ANKRD50: variants seen among roughly 807,000 people sequenced by gnomAD.
ANKRD50 encodes the protein ankyrin repeat domain 50.
ANKRD50 carries 40 observed loss-of-function variants against 112.0 expected under a neutral mutation model. The ratio of observed to expected loss-of-function variants is 0.36; its 90% CI spans 0.28 to 0.46. The LOEUF (loss-of-function observed/expected upper bound fraction) is 0.46, where lower values mean the gene tolerates loss of function less well. ANKRD50 is among the 20% of genes least tolerant of loss of function. The pLI, the probability that ANKRD50 is intolerant of heterozygous loss-of-function variation, is 1.00. For synonymous variants in ANKRD50, 613 were observed against 619.1 expected (o/e 0.99, Z 0.15); for missense variants, 1,487 against 1,701.7 (o/e 0.87, Z 2.22).
chr4:124,681,976 G>T (rs1204055117), intron 2 of ANKRD50, among the ~76,000 whole-genome samples: 2 of 152,098 alleles, frequency 1.3e-5, no homozygotes, highest in Non-Finnish European at 2.9e-5. Flanking sequence ...AACATGTTTT[G>T]TGTAACTTCC....
intron 3 of ANKRD50, among the ~76,000 whole-genome samples, chr4:124,677,961 A>G (rs775223290): frequency 6.6e-6 from 1 of 152,114 alleles, no homozygotes; most frequent in Non-Finnish European, 1.5e-5. Flanking sequence ...ATTTTTATCA[A>G]TAACAACAAG....
rs1014943550 is a variant in ANKRD50, at chr4:124,701,107, G to A, written c.512+8893C>T. On this transcript the variant is annotated intron_variant, in intron 2 of 4. Transcript: ENST00000504087. Reference sequence around the variant, plus strand: ...GCCTCCCGAGTAGGTAGGATTACAGGCATGTACCACCATGCTCGACTAATT... The same window carrying A: ...GCCTCCCGAGTAGGTAGGATTACAGACATGTACCACCATGCTCGACTAATT... Among the ~76,000 whole-genome samples the A allele has an allele frequency of 5.3e-5, 8 of 152,222 alleles. No homozygotes were observed. In the East Asian group the frequency reaches 1.2e-3, roughly 22 times the overall value.
intron 2 of ANKRD50, among the ~76,000 whole-genome samples, chr4:124,686,740 G>A (rs1407815904): frequency 1.3e-5 from 2 of 152,170 alleles, no homozygotes; most frequent in Admixed American, 1.3e-4. Flanking sequence ...TTGTAGAAGA[G>A]AAGAATTTGA....
At chr4:124,693,795 C>G (rs529568800) in intron 2 of ANKRD50, among the ~76,000 whole-genome samples, 1 of 152,068 alleles carries the variant, frequency 6.6e-6, no homozygotes, top group Non-Finnish European at 1.5e-5. Context: ...TCTAAATGTA[C>G]GTTTTGATGA....
intron 1 of ANKRD50, among the ~76,000 whole-genome samples, chr4:124,712,152 C>A (rs571755938): frequency 1.3e-5 from 2 of 152,018 alleles, no homozygotes; most frequent in African/African-American, 4.8e-5. Context: ...AGGCTGGGAG[C>A]GCCTCTGCAC....
At chr4:124,682,933 C>T (rs1724926228) in intron 2 of ANKRD50, among the ~76,000 whole-genome samples, 1 of 151,824 alleles carries the variant, frequency 6.6e-6, no homozygotes, top group African/African-American at 2.4e-5. Flanking sequence ...AATTTTGTAA[C>T]GTACATGTAT....
rs955695081 is a variant in ANKRD50, at chr4:124,664,181, T to C, written c.*3337A>G. 2 of 151,940 alleles carry C rather than the reference T, an allele frequency of 1.3e-5. No individual in the cohort carries two copies. The highest frequency in any genetic ancestry group is 2.9e-5 in the Non-Finnish European group (2 of 67,950). 9.4% of individuals were successfully genotyped at this position (151,940 alleles called of 1,614,324 possible). ...AGGAGCACACATATACAAAAGTTATTGGATTACTGCAATTCTCAGAGGCAC... is the reference window on the plus strand; with the variant it reads ...AGGAGCACACATATACAAAAGTTATCGGATTACTGCAATTCTCAGAGGCAC... On this transcript the variant is annotated 3_prime_UTR_variant, in exon 5 of 5. Coordinates refer to ENST00000504087, the MANE Select transcript of ANKRD50 (RefSeq NM_020337.3).
At chr4:124,684,314 T>C (rs1724956739) in intron 2 of ANKRD50, among the ~76,000 whole-genome samples, 2 of 152,210 alleles carry the variant, frequency 1.3e-5, no homozygotes, top group South Asian at 4.1e-4. Flanking sequence ...AGTCTCCTTA[T>C]GCGTCAGAGT....
chr4:124,671,723 A>T lies in ANKRD50; in HGVS notation c.1554T>A (p.Val518=), dbSNP rs1730660279. The T allele has an allele frequency of 1.2e-6, 2 of 1,613,886 alleles. No individual in the cohort carries two copies. The highest frequency in any genetic ancestry group is 1.7e-6 in the Non-Finnish European group (2 of 1,179,868). The change falls in exon 4 of 5, where the codon GTT becomes GTA. Residue 518 remains valine, a synonymous_variant. Coordinates refer to ENST00000504087, the MANE Select transcript of ANKRD50 (RefSeq NM_020337.3). ...NSEDDRTSCI[V]RQALEREDSI... is the part of the protein sequence containing the mutation. ...AATCCTCTCTTTCTAAGGCTTGTCGAACTATGCATGATGTGCGATCGTCTT... is the reference window on the plus strand; with the variant it reads ...AATCCTCTCTTTCTAAGGCTTGTCGTACTATGCATGATGTGCGATCGTCTT...
intron 2 of ANKRD50, among the ~76,000 whole-genome samples, chr4:124,701,327 T>C (rs1398575255): frequency 1.3e-5 from 2 of 151,584 alleles, no homozygotes; most frequent in South Asian, 2.1e-4. Context: ...CACTAGTAGA[T>C]GGAGGTACAA....
At chr4:124,673,012 C>T (rs12509989) in intron 3 of ANKRD50, among the ~76,000 whole-genome samples, 1,751 of 152,164 alleles carry the variant, frequency 0.012, 49 homozygotes, top group East Asian at 0.08. Context: ...TGAATATTTA[C>T]ATCCAATTAG....
chr4:124,670,064 T>G lies in ANKRD50; in HGVS notation c.3213A>C (p.Pro1071=), dbSNP rs1730599978. 6.2e-7 allele frequency: 1 copy of G among 1,612,846 alleles called. No individual in the cohort carries two copies. The highest frequency in any genetic ancestry group is 1.7e-5 in the Admixed American group (1 of 59,674). Residue 1071 remains proline (P), a synonymous_variant, in exon 4 of 5, where the codon CCA becomes CCC. Transcript: ENST00000504087. ...VQVLLEHGAD[P]NHADQFGRTA... ...TGCGTCCAAATTGATCAGCATGGTT[T>G]GGATCAGCACCATGCTCTAATAAGA...
chr4:124,684,156 A>G (rs1724954642), intron 2 of ANKRD50, among the ~76,000 whole-genome samples: 1 of 152,010 alleles, frequency 6.6e-6, no homozygotes, highest in Non-Finnish European at 1.5e-5. Context: ...AACATTTTTT[A>G]TGGTGTTTCT....
chr4:124,709,938 C>A (rs1725590520), intron 2 of ANKRD50, 62 bp downstream of exon 2: 3 of 1,537,182 alleles, frequency 2.0e-6, no homozygotes, highest in African/African-American at 2.8e-5. Flanking sequence ...CAAAAAACTA[C>A]AACTAAAAAT....
At chr4:124,689,734 T>G (rs1448481150) in intron 2 of ANKRD50, among the ~76,000 whole-genome samples, 1 of 152,174 alleles carries the variant, frequency 6.6e-6, no homozygotes, top group African/African-American at 2.4e-5. Flanking sequence ...CTAGTGGCTC[T>G]CCTGGGTTTG....
At chr4:124,677,925 T>A (rs1337293460) in intron 3 of ANKRD50, among the ~76,000 whole-genome samples, 1 of 152,128 alleles carries the variant, frequency 6.6e-6, no homozygotes, top group Non-Finnish European at 1.5e-5. Context: ...TATTGTTATT[T>A]AAATTACTAA....
intron 2 of ANKRD50, among the ~76,000 whole-genome samples, chr4:124,695,452 T>C (rs1394004212): frequency 6.6e-6 from 1 of 152,124 alleles, no homozygotes; most frequent in Admixed American, 6.6e-5. Context: ...CTAAGCAAAG[T>C]GCAAACATGT....
chr4:124,687,355 C>T (rs1725030565), intron 2 of ANKRD50, among the ~76,000 whole-genome samples: 1 of 152,074 alleles, frequency 6.6e-6, no homozygotes, highest in Admixed American at 6.5e-5. Context: ...AACTTCAATA[C>T]ATATCTCTCA....
chr4:124,686,251 T>G (rs2110516859), intron 2 of ANKRD50, among the ~76,000 whole-genome samples: 1 of 152,318 alleles, frequency 6.6e-6, no homozygotes. Context: ...AGGTTTCAGC[T>G]CACTTTCTTC....
Sources: allele counts gnomAD v4.1 joint callset (sites outside exome capture counted in the v4.1 genomes callset), GRCh38; gene constraint gnomAD v4.1.1; transcripts MANE v1.5; gene names NCBI Gene and HGNC (gene_info 2026-07-23, HGNC 2026-07-21).